Variants in HMCN2 observed in about 807,000 individuals in gnomAD.
HMCN2 encodes the protein hemicentin-2.
In HMCN2, 325 loss-of-function variants were observed where a neutral mutation model predicts 377.5. The observed-to-expected ratio is 0.86, with a 90% confidence interval of 0.79 to 0.94. The LOEUF (loss-of-function observed/expected upper bound fraction) is 0.94, where lower values mean the gene tolerates loss of function less well. HMCN2 is among the 40% of genes least tolerant of loss of function. HMCN2 has a pLI of 0.00. For synonymous variants in HMCN2, 2,007 were observed against 2,046.8 expected (o/e 0.98, Z 0.53); for missense variants, 4,543 against 4,725.3 (o/e 0.96, Z 1.13).
intron 35 of HMCN2, 32 bp downstream of exon 35, chr9:130,358,020 A>G (rs1434413341): frequency 7.7e-7 from 1 of 1,292,510 alleles, no homozygotes; most frequent in Non-Finnish European, 1.0e-6. Context: ...CTGGCAAGCC[A>G]GCTGGGCACA....
In HMCN2 at chr9:130,312,735, G is replaced by A. The variant is rs1462372339; in HGVS notation, c.2350+2674G>A. Among the ~76,000 whole-genome samples the A allele has an allele frequency of 2.7e-5, 4 of 149,524 alleles. No individual in the cohort carries two copies. The East Asian group carries it at 5.9e-4, about 22-fold the overall frequency. ...GGCTGGAGTGCCCAGGCGCAATCTC[G>A]GCTCACTGCAACCTCTACCTCCTAG... On this transcript the variant is annotated intron_variant, in intron 15 of 97. Transcript: ENST00000683500.
chr9:130,333,388 C>T (rs1177672772), intron 22 of HMCN2, among the ~76,000 whole-genome samples: 1 of 152,178 alleles, frequency 6.6e-6, no homozygotes, highest in African/African-American at 2.4e-5. Flanking sequence ...TCCTGGCACT[C>T]CCTATCAGAT....
rs1048229979 is a variant in HMCN2, at chr9:130,374,599, C to T, written c.7536C>T (p.Val2512=). The T allele has an allele frequency of 1.0e-6, 1 of 985,612 alleles. No homozygotes were observed. The highest frequency in any genetic ancestry group is 1.2e-6 in the Non-Finnish European group (1 of 829,938). The allele number at this position is 985,612 out of a possible 1,614,324, so 61.1% of individuals were successfully genotyped here. A position where few individuals can be genotyped will look rare whatever the true frequency, so the allele number is the denominator to read the frequency against. Residue 2512 remains valine, a synonymous_variant, in exon 49 of 98, where the codon GTC becomes GTT. Coordinates refer to ENST00000683500, the MANE Select transcript of HMCN2 (RefSeq NM_001291815.2). ...CCCCAGACGGAGTCCTCCTGCAGGT[C>T]CTCCAGGCAAACCTGTCCAGTGCTG... ...HISPDGVLLQ[V]LQANLSSAGH... is the part of the protein sequence containing the mutation.
At chr9:130,382,977 A>T (rs1405574786) in intron 56 of HMCN2, 111 bp downstream of exon 56, 5 of 630,204 alleles carry the variant, frequency 7.9e-6, no homozygotes, top group Non-Finnish European at 7.9e-6. Flanking sequence ...TTTGCTGGGA[A>T]CCATGCTGGA....
chr9:130,408,107 C>T (rs140600711), intron 83 of HMCN2, among the ~76,000 whole-genome samples: 264 of 152,316 alleles, frequency 1.7e-3, no homozygotes, highest in African/African-American at 6.1e-3. Context: ...CCTACTCATC[C>T]ACCAGGAGTA....
Position 130,349,522 on chromosome 9 carries a change from C to G in HMCN2, c.4304-15C>G, listed in dbSNP as rs1285632161. The G allele has an allele frequency of 7.7e-7, 1 of 1,301,434 alleles. No individual in the cohort carries two copies. Among genetic ancestry groups the G allele is most frequent in the African/African-American group, 1.5e-5 (1 of 65,796 alleles). The allele number at this position is 1,301,434 out of a possible 1,614,324, so 80.6% of individuals were successfully genotyped here. On this transcript the variant is annotated splice_polypyrimidine_tract_variant and intron_variant, in intron 28 of 97. Coordinates refer to ENST00000683500, the MANE Select transcript of HMCN2 (RefSeq NM_001291815.2). ...TTTGAACAGTTTCCCACCCCTCACG[C>G]CTTCTCACCCCCAGCCCCTCCTTCC...
chr9:130,347,888 G>C lies in HMCN2; in HGVS notation c.4024+528G>C. On this transcript the variant is annotated intron_variant, in intron 26 of 97. Transcript: ENST00000683500. This position sits in a 1 kb window ranked among gnomAD's most constrained non-coding sequence, Gnocchi z 5.1. ...AAAAATTATTTTTAAAAATGAGCAC[G>C]GATGGCAGTGCAGAGCCCCAGAGCC... 1 of 398,460 alleles carries C rather than the reference G, an allele frequency of 2.5e-6. No homozygotes were observed. The highest frequency in any genetic ancestry group is 3.4e-6 in the Non-Finnish European group (1 of 294,082). 24.7% of individuals were successfully genotyped at this position (398,460 alleles called of 1,614,324 possible).
intron 78 of HMCN2, 134 bp downstream of exon 78, chr9:130,403,030 T>TTTCC: frequency 9.8e-7 from 1 of 1,015,766 alleles, no homozygotes; most frequent in Non-Finnish European, 1.3e-6. Flanking sequence ...ATGGGATTCT[T>TTTCC]TGGCAGGAAA....
At chr9:130,267,650 C>T (rs909319264) in intron 1 of HMCN2, among the ~76,000 whole-genome samples, 16 of 152,350 alleles carry the variant, frequency 1.1e-4, no homozygotes, top group Admixed American at 4.6e-4. Context: ...CATAGTTCTA[C>T]GTAGGCTTCA....
intron 15 of HMCN2, among the ~76,000 whole-genome samples, chr9:130,315,202 CCTCCCCTCCCCT>C (rs1837479943): frequency 2.9e-4 from 1 of 3,418 alleles, no homozygotes; most frequent in African/African-American, 1.2e-3. Flanking sequence ...CCCTCCCCTC[CCTCCCCTCCCCT>C]CCCTCCCCTC....
In HMCN2 at chr9:130,407,591, G is replaced by A. The variant is rs1223352091; in HGVS notation, c.12574G>A (p.Gly4192Arg). 1 of 1,289,542 alleles carries A rather than the reference G, an allele frequency of 7.8e-7. No individual in the cohort carries two copies. Among genetic ancestry groups the A allele is most frequent in the Admixed American group, 2.3e-5 (1 of 43,548 alleles). 79.9% of individuals were successfully genotyped at this position (1,289,542 alleles called of 1,614,324 possible). ...CACAGAAGGGGTGTCTGAGCAGGAT[G>A]GAGGCAGCACGCTGCAGCGGGCCGC... ...PVTEGVSEQD[G>R]GSTLQRAAVS... The change falls in exon 83 of 98, where the codon GGA (glycine) becomes AGA (arginine). Residue 4192 changes from glycine to arginine, a missense_variant. By Grantham distance (125) the Gly-to-Arg change is moderately radical (BLOSUM62 -2). Coordinates refer to ENST00000683500, the MANE Select transcript of HMCN2 (RefSeq NM_001291815.2).
chr9:130,310,051 G>A lies in HMCN2; in HGVS notation c.2340G>A (p.Leu780=). Reference sequence around the variant, plus strand: ...GTGACGCCTCTGCAGAAATCCAGCTGGCGGTTGGACGTGAGTGTATACCTT... The same window carrying A: ...GTGACGCCTCTGCAGAAATCCAGCTAGCGGTTGGACGTGAGTGTATACCTT... ...ELGDASAEIQ[L]AVGHAPQLTE... is the part of the protein sequence containing the mutation. The change falls in exon 15 of 98, where the codon CTG becomes CTA. Residue 780 remains leucine (L), a synonymous_variant. Coordinates refer to ENST00000683500, the MANE Select transcript of HMCN2 (RefSeq NM_001291815.2). 1 of 532,696 alleles carries A rather than the reference G, an allele frequency of 1.9e-6. No homozygotes were observed. Among genetic ancestry groups the A allele is most frequent in the Admixed American group, 1.9e-5 (1 of 51,400 alleles). 33.0% of individuals were successfully genotyped at this position (532,696 alleles called of 1,614,324 possible).
rs371404788 is a variant in HMCN2 at position 130,369,031 on chromosome 9, C to T, written c.6788-539C>T. Among the ~76,000 whole-genome samples, 1 of 152,132 alleles carries T rather than the reference C, an allele frequency of 6.6e-6. No homozygotes were observed. The highest frequency in any genetic ancestry group is 6.5e-5 in the Admixed American group (1 of 15,278). On this transcript the variant is annotated intron_variant, in intron 44 of 97. Coordinates refer to ENST00000683500, the MANE Select transcript of HMCN2 (RefSeq NM_001291815.2). The surrounding 1 kb of genome is among the most constrained non-coding windows in gnomAD (Gnocchi z 4.5). ...GGGGCAGCAGCACAGTCCCTAAGGG[C>T]CCCCCAGTGGTCCAGAGGAGAAAAG...
At chr9:130,384,304 C>T in intron 57 of HMCN2, 69 bp from the exon 58 acceptor site, 1 of 1,214,662 alleles carries the variant, frequency 8.2e-7, no homozygotes, top group Non-Finnish European at 1.1e-6. Flanking sequence ...CAGGGTTTCT[C>T]TTGGGCTCTG....
chr9:130,404,629 G>A lies in HMCN2; in HGVS notation c.12149-240G>A, dbSNP rs187340039. On this transcript the variant is annotated intron_variant, in intron 80 of 97. Coordinates refer to ENST00000683500, the MANE Select transcript of HMCN2 (RefSeq NM_001291815.2). ...TGTGTGTGTGCGTGTATATGTGCATGCATGTGTGTGTGTGTGTACACGTGT... is the reference window on the plus strand; with the variant it reads ...TGTGTGTGTGCGTGTATATGTGCATACATGTGTGTGTGTGTGTACACGTGT... Among the ~76,000 whole-genome samples, 30 of 152,366 alleles carry A rather than the reference G, an allele frequency of 2.0e-4. No homozygotes were observed. In the East Asian group the frequency reaches 5.8e-3, roughly 29 times the overall value.
At chr9:130,324,634 A>AT (rs1240896720) in intron 19 of HMCN2, among the ~76,000 whole-genome samples, 22 of 150,542 alleles carry the variant, frequency 1.5e-4, no homozygotes, top group East Asian at 5.9e-4. Context: ...TTAATTTTTT[A>AT]TTTTTTTTGA....
intron 96 of HMCN2, among the ~76,000 whole-genome samples, chr9:130,432,176 T>TA (rs1844795888): frequency 6.6e-6 from 1 of 152,154 alleles, no homozygotes. Flanking sequence ...CAGGCCCTCC[T>TA]ACCCAGCACT....
intron 62 of HMCN2, among the ~76,000 whole-genome samples, chr9:130,390,542 G>T (rs1190617144): frequency 6.6e-6 from 1 of 152,156 alleles, no homozygotes; most frequent in Non-Finnish European, 1.5e-5. Context: ...GAGAATGAAG[G>T]GGGAGGCCTG....
At position 130,358,404 on chromosome 9, in the gene HMCN2, C is replaced by A. The variant is rs765566239; in HGVS notation, c.5595C>A (p.Asp1865Glu). Reference sequence around the variant, plus strand: ...CTCCCCTCCAGATTGAGAAGGTGGACCTGAGGGACGAGGGCATCTACACTT... The same window carrying A: ...CTCCCCTCCAGATTGAGAAGGTGGAACTGAGGGACGAGGGCATCTACACTT... ...FGGNLQIEKV[D>E]LRDEGIYTCA... The change falls in exon 36 of 98, where the codon GAC becomes GAA. Residue 1865 changes from aspartate to glutamate, a missense_variant. Asp to Glu is a conservative substitution (Grantham distance 45). Transcript: ENST00000683500. 7.7e-7 allele frequency: 1 copy of A among 1,304,020 alleles called. No individual in the cohort carries two copies. The highest frequency in any genetic ancestry group is 1.0e-6 in the Non-Finnish European group (1 of 988,868). 80.8% of individuals were successfully genotyped at this position (1,304,020 alleles called of 1,614,324 possible).
Sources: allele counts gnomAD v4.1 joint callset (sites outside exome capture counted in the v4.1 genomes callset), GRCh38; gene constraint gnomAD v4.1.1; non-coding constraint Gnocchi (gnomAD v3.1); transcripts MANE v1.5; gene names NCBI Gene and HGNC (gene_info 2026-07-23, HGNC 2026-07-21).